SV2B: variants seen among roughly 807,000 people sequenced by gnomAD.
SV2B encodes solute carrier family 22 member B2.
In SV2B, 41 loss-of-function variants were observed where a neutral mutation model predicts 73.9. That is an observed-to-expected ratio of 0.56 (90% confidence interval 0.43 to 0.72). SV2B has a LOEUF of 0.72. SV2B is among the 30% of genes least tolerant of loss of function. The pLI is 0.00. For missense variants in SV2B, 764 were observed against 857.8 expected (o/e 0.89, Z 1.37); for synonymous variants, 314 against 314.2 (o/e 1.00, Z 0.01).
At chr15:91,148,226 G>A (rs1235077163) in intron 1 of SV2B, among the ~76,000 whole-genome samples, 1 of 151,836 alleles carries the variant, frequency 6.6e-6, no homozygotes, top group African/African-American at 2.4e-5. Flanking sequence ...TGATCTGCCT[G>A]CCTTGGCCTC....
intron 6 of SV2B, among the ~76,000 whole-genome samples, chr15:91,264,786 C>G (rs528261125): frequency 4.6e-5 from 7 of 152,006 alleles, no homozygotes; most frequent in African/African-American, 1.7e-4. Flanking sequence ...TGGGAGTGCA[C>G]CCGGAGGAAG....
At chr15:91,201,046 C>A (rs754500997) in intron 1 of SV2B, among the ~76,000 whole-genome samples, 5 of 152,318 alleles carry the variant, frequency 3.3e-5, no homozygotes, top group Admixed American at 6.5e-5. Context: ...GCTTTTGCTG[C>A]ATTATTGGCT....
At chr15:91,272,206 G>A (rs567886979) in intron 9 of SV2B, among the ~76,000 whole-genome samples, 12 of 152,306 alleles carry the variant, frequency 7.9e-5, no homozygotes, top group African/African-American at 2.9e-4. Context: ...TTTGGAAAGT[G>A]CAAGAAAGGC....
chr15:91,188,620 G>A (rs1052244782), intron 1 of SV2B, among the ~76,000 whole-genome samples: 11 of 151,498 alleles, frequency 7.3e-5, no homozygotes, highest in African/African-American at 2.7e-4. Flanking sequence ...CGGCCTGAAT[G>A]TTCCTTATTT....
chr15:91,200,510 G>C (rs1233343235), intron 1 of SV2B, among the ~76,000 whole-genome samples: 1 of 152,172 alleles, frequency 6.6e-6, no homozygotes, highest in African/African-American at 2.4e-5. Flanking sequence ...GTCAATATGG[G>C]TCTTACATGG....
In SV2B at chr15:91,283,884, T is replaced by A; in HGVS notation, c.1508-137T>A. The A allele has an allele frequency of 1.2e-6, 1 of 868,472 alleles. No individual in the cohort carries two copies. Among genetic ancestry groups the A allele is most frequent in the Non-Finnish European group, 1.8e-6 (1 of 540,948 alleles). 53.8% of individuals were successfully genotyped at this position (868,472 alleles called of 1,614,324 possible). A position where few individuals can be genotyped will look rare whatever the true frequency, so the allele number is the denominator to read the frequency against. On this transcript the variant is annotated intron_variant, in intron 10 of 12. Coordinates refer to ENST00000394232, the MANE Select transcript of SV2B (RefSeq NM_001323032.3). This position sits in a 1 kb window ranked among gnomAD's most constrained non-coding sequence, Gnocchi z 4.3. ...CTTGATGACATGGCCACATATTACC[T>A]TGACTTTGAGGCTGTCTGACTGGCA...
intron 1 of SV2B, among the ~76,000 whole-genome samples, chr15:91,170,108 C>T (rs1433551759): frequency 1.3e-5 from 2 of 152,004 alleles, no homozygotes; most frequent in Non-Finnish European, 2.9e-5. Flanking sequence ...TTTAATTTGT[C>T]TTTGTAGGTC....
chr15:91,178,535 G>A (rs2044416661), intron 1 of SV2B, among the ~76,000 whole-genome samples: 1 of 152,094 alleles, frequency 6.6e-6, no homozygotes, highest in Non-Finnish European at 1.5e-5. Context: ...ACTCTTTTTG[G>A]TTGGTAAGCT....
intron 6 of SV2B, among the ~76,000 whole-genome samples, chr15:91,262,787 G>A (rs149253493): frequency 2.5e-3 from 378 of 152,266 alleles, no homozygotes; most frequent in African/African-American, 8.4e-3. Context: ...TGAGTCTCCC[G>A]ATCTTCCATC....
chr15:91,264,041 A>G (rs2048018706), intron 6 of SV2B, among the ~76,000 whole-genome samples: 1 of 152,228 alleles, frequency 6.6e-6, no homozygotes, highest in African/African-American at 2.4e-5. Context: ...CTGCTGGATA[A>G]TTCCTTCCCA....
intron 9 of SV2B, among the ~76,000 whole-genome samples, chr15:91,270,879 A>C (rs1235189042): frequency 9.2e-6 from 1 of 108,346 alleles, no homozygotes; most frequent in Non-Finnish European, 1.9e-5. Context: ...GCGGACGGTG[A>C]ATCTTGTGGA....
At chr15:91,213,710 A>G (rs2045937911) in intron 1 of SV2B, among the ~76,000 whole-genome samples, 1 of 152,200 alleles carries the variant, frequency 6.6e-6, no homozygotes, top group Admixed American at 6.5e-5. Flanking sequence ...GACTGCATTC[A>G]TTTAGTAAAG....
chr15:91,179,103 C>T (rs956739970), intron 1 of SV2B, among the ~76,000 whole-genome samples: 9 of 151,792 alleles, frequency 5.9e-5, no homozygotes, highest in Non-Finnish European at 1.2e-4. Flanking sequence ...TCTTTGTTCT[C>T]GTTGGTTTCA....
At chr15:91,125,934 G>C (rs1028183101) in intron 1 of SV2B, among the ~76,000 whole-genome samples, 3 of 152,048 alleles carry the variant, frequency 2.0e-5, no homozygotes, top group Admixed American at 1.3e-4. Context: ...AATGGTGGTG[G>C]TGATGATGAT....
At chr15:91,158,821 A>G (rs918624532) in intron 1 of SV2B, among the ~76,000 whole-genome samples, 2 of 149,632 alleles carry the variant, frequency 1.3e-5, no homozygotes, top group African/African-American at 4.9e-5. Flanking sequence ...CCTTCTTTCT[A>G]AAAAATTTTG....
rs946526787 is a variant in SV2B at position 91,129,752 on chromosome 15, C to T, written c.-392+29389C>T. Reference sequence around the variant, plus strand: ...ATAACTTCGTGGCTTCTGGCCTGTGCCCTGGAGTTGGAGAGCCTGGATTAG... The same window carrying T: ...ATAACTTCGTGGCTTCTGGCCTGTGTCCTGGAGTTGGAGAGCCTGGATTAG... On this transcript the variant is annotated intron_variant, in intron 1 of 12. Coordinates refer to ENST00000394232, the MANE Select transcript of SV2B (RefSeq NM_001323032.3). The surrounding 1 kb of genome is among the most constrained non-coding windows in gnomAD (Gnocchi z 5.1). Among the ~76,000 whole-genome samples, 2 of 152,188 alleles carry T rather than the reference C, an allele frequency of 1.3e-5. No homozygotes were observed. Among genetic ancestry groups the T allele is most frequent in the Non-Finnish European group, 2.9e-5 (2 of 68,024 alleles).
intron 1 of SV2B, among the ~76,000 whole-genome samples, chr15:91,108,271 C>T (rs962705989): frequency 6.6e-6 from 1 of 152,160 alleles, no homozygotes; most frequent in Admixed American, 6.5e-5. Context: ...ATGGGCTAGA[C>T]ATTTCAAGGT....
At chr15:91,250,663 G>T (rs2047448300) in intron 2 of SV2B, among the ~76,000 whole-genome samples, 1 of 152,134 alleles carries the variant, frequency 6.6e-6, no homozygotes, top group African/African-American at 2.4e-5. Flanking sequence ...GTTTCTATAT[G>T]CTAACAATGA....
rs1233615953 is a variant in SV2B, at chr15:91,197,249, A to T, written c.-391-28624A>T. Among the ~76,000 whole-genome samples, 1 of 147,276 alleles carries T rather than the reference A, an allele frequency of 6.8e-6. No homozygotes were observed. The highest frequency in any genetic ancestry group is 1.9e-4 in the East Asian group (1 of 5,162). On this transcript the variant is annotated intron_variant, in intron 1 of 12. Coordinates refer to ENST00000394232, the MANE Select transcript of SV2B (RefSeq NM_001323032.3). The surrounding 1 kb of genome is among the most constrained non-coding windows in gnomAD (Gnocchi z 4.9). ...TTGTTTTGTTTTGTTTTGTTTTGAG[A>T]CAGAGTTTCATTCTCGTTGCCCAGG...
Sources: gnomAD v4.1 joint callset for allele counts (sites outside exome capture counted in the v4.1 genomes callset) on GRCh38, gnomAD v4.1.1 for gene constraint, Gnocchi (gnomAD v3.1) non-coding constraint, MANE v1.5 for transcripts, NCBI Gene and HGNC (gene_info 2026-07-23, HGNC 2026-07-21) for gene names.